The following SGK3 variants were observed in gnomAD, a reference collection of about 807,000 sequenced individuals.
SGK3 encodes serine/threonine-protein kinase Sgk3.
In SGK3, 47 loss-of-function variants were observed where a neutral mutation model predicts 68.5. The ratio of observed to expected loss-of-function variants is 0.69; its 90% CI spans 0.54 to 0.87. SGK3 has a LOEUF of 0.87. Among genes scored for constraint, SGK3 ranks in the 40% least tolerant of loss-of-function variants. The pLI is 0.00. For missense variants in SGK3, 479 were observed against 575.5 expected (o/e 0.83, Z 1.72); for synonymous variants, 181 against 189.1 (o/e 0.96, Z 0.35).
At chr8:66,767,912 T>C (rs773264476) in intron 1 of SGK3, 12 of 1,153,174 alleles carry the variant, frequency 1.0e-5, no homozygotes, top group Middle Eastern at 2.0e-4. Flanking sequence ...AAGGCTTTGA[T>C]TGAAGGTCCA....
chr8:66,758,008 C>CT, intron 1 of SGK3, among the ~76,000 whole-genome samples: 1 of 140,696 alleles, frequency 7.1e-6, no homozygotes, highest in Admixed American at 7.1e-5. Context: ...TACACACACA[C>CT]ACTACACACA....
intron 1 of SGK3, among the ~76,000 whole-genome samples, chr8:66,716,569 T>C (rs1234868077): frequency 2.3e-5 from 1 of 42,826 alleles, no homozygotes; most frequent in Admixed American, 3.0e-4. Context: ...GGCGGGGGGG[T>C]TGGGGGTGAC....
At chr8:66,799,807 A>G (rs1336122671) in intron 3 of SGK3, among the ~76,000 whole-genome samples, 3 of 152,092 alleles carry the variant, frequency 2.0e-5, no homozygotes, top group African/African-American at 7.2e-5. Context: ...TAGTTTTAGT[A>G]GAGACGGGGT....
chr8:66,798,397 C>T (rs193066881), intron 2 of SGK3, 145 bp from the exon 3 acceptor site: 36 of 562,076 alleles, frequency 6.4e-5, no homozygotes, highest in Admixed American at 6.3e-4. Flanking sequence ...ATATCAGTTT[C>T]GGAATATGAA....
At chr8:66,829,775 G>A (rs1809223337) in intron 7 of SGK3, among the ~76,000 whole-genome samples, 2 of 151,826 alleles carry the variant, frequency 1.3e-5, no homozygotes, top group Admixed American at 1.3e-4. Flanking sequence ...TCAAAGGAAA[G>A]CAAATAAATA....
At chr8:66,715,990 C>T (rs1020106533) in intron 1 of SGK3, among the ~76,000 whole-genome samples, 3 of 152,168 alleles carry the variant, frequency 2.0e-5, no homozygotes, top group African/African-American at 7.2e-5. Context: ...TCAGAAACCA[C>T]TTTACCTTTT....
intron 1 of SGK3, among the ~76,000 whole-genome samples, chr8:66,757,475 T>C (rs1806013582): frequency 6.6e-6 from 1 of 151,988 alleles, no homozygotes; most frequent in African/African-American, 2.4e-5. Context: ...TCAATGGTTG[T>C]ATGGGCCAGT....
In SGK3 at chr8:66,779,604, A is replaced by C. The variant is rs1266882013; in HGVS notation, c.-121-14012A>C. 2.2e-5 allele frequency among the ~76,000 whole-genome samples: 3 copies of C among 136,628 alleles called. No individual in the cohort carries two copies. In the East Asian group the frequency reaches 6.4e-4, roughly 29 times the overall value. 89.6% of individuals were successfully genotyped at this position (136,628 alleles called of 152,430 possible). On this transcript the variant is annotated intron_variant, in intron 1 of 16. Transcript: ENST00000521198. ...TATATATATATATATATATATATAA[A>C]ACACATTTTTTATATATATACGTTT...
intron 1 of SGK3, among the ~76,000 whole-genome samples, chr8:66,745,992 A>G (rs1468656760): frequency 6.6e-6 from 1 of 152,186 alleles, no homozygotes; most frequent in Non-Finnish European, 1.5e-5. Context: ...GGAGGGGACA[A>G]AACGTTCAAG....
At chr8:66,722,185 G>A (rs532578620) in intron 1 of SGK3, among the ~76,000 whole-genome samples, 3 of 152,288 alleles carry the variant, frequency 2.0e-5, no homozygotes, top group South Asian at 4.1e-4. Flanking sequence ...GCTCTGCGCC[G>A]AGACAATAGC....
At chr8:66,744,871 C>T (rs1432385933) in intron 1 of SGK3, among the ~76,000 whole-genome samples, 3 of 147,284 alleles carry the variant, frequency 2.0e-5, no homozygotes, top group Non-Finnish European at 4.5e-5. Flanking sequence ...CTTCAATTTT[C>T]TTAGTTTTTT....
intron 1 of SGK3, among the ~76,000 whole-genome samples, chr8:66,755,637 A>T (rs939613346): frequency 5.3e-5 from 8 of 152,180 alleles, no homozygotes; most frequent in African/African-American, 1.2e-4. Context: ...AACACCATAC[A>T]GCACTCCCGT....
chr8:66,859,704 A>T lies in SGK3; in HGVS notation c.*123A>T. On this transcript the variant is annotated 3_prime_UTR_variant, in exon 17 of 17. Coordinates refer to ENST00000521198, the MANE Select transcript of SGK3 (RefSeq NM_001033578.3). ...CTCATTTTTATATGTAATGATGAAA[A>T]CTATGAAAAAATGTATTTTCTTCTA... 8.7e-7 allele frequency: 1 copy of T among 1,154,316 alleles called. No homozygotes were observed. Among genetic ancestry groups the T allele is most frequent in the Non-Finnish European group, 1.1e-6 (1 of 881,932 alleles). 71.5% of individuals were successfully genotyped at this position (1,154,316 alleles called of 1,614,324 possible). A position where few individuals can be genotyped will look rare whatever the true frequency, so the allele number is the denominator to read the frequency against.
chr8:66,816,633 C>T (rs897012464), intron 5 of SGK3, among the ~76,000 whole-genome samples: 3 of 151,946 alleles, frequency 2.0e-5, no homozygotes, highest in South Asian at 2.1e-4. Context: ...CGTGAGCCAT[C>T]GCACCCGGCC....
At chr8:66,740,642 T>C (rs59469156) in intron 1 of SGK3, among the ~76,000 whole-genome samples, 20,083 of 152,134 alleles carry the variant, frequency 0.13, 2,510 homozygotes, top group African/African-American at 0.33. Context: ...CACAGTGGCT[T>C]ACACCTGTAA....
rs1327900154 is a variant in SGK3, at chr8:66,813,912, C to A, written c.313C>A (p.Pro105Thr). Residue 105 changes from proline to threonine, a missense_variant, in exon 5 of 17, where the codon CCA (proline) becomes ACA (threonine). Physicochemically the swap from Pro to Thr is conservative, Grantham distance 38. This residue lies in a region of SGK3 where 298 missense variants were observed against 329.4 expected (regional missense o/e 0.90). Coordinates refer to ENST00000521198, the MANE Select transcript of SGK3 (RefSeq NM_001033578.3). ...ATTCATTCAGAACCTAGTTAGGTATCCAGAACTTTATAACCAGTAAGTAAT... is the reference window on the plus strand; with the variant it reads ...ATTCATTCAGAACCTAGTTAGGTATACAGAACTTTATAACCAGTAAGTAAT... Reference protein sequence around the residue: ...NEFIQNLVRYPELYNHPDVRA... With the variant: ...NEFIQNLVRYTELYNHPDVRA... 4 of 1,591,406 alleles carry A rather than the reference C, an allele frequency of 2.5e-6. No homozygotes were observed. In the Admixed American group the frequency reaches 7.1e-5, roughly 28 times the overall value.
At chr8:66,767,425 G>A (rs1431198103) in intron 1 of SGK3, 2 of 1,341,586 alleles carry the variant, frequency 1.5e-6, no homozygotes, top group African/African-American at 1.4e-5. Flanking sequence ...GCAAACAGGT[G>A]GCAATTCAAC....
chr8:66,727,649 C>T (rs1370002250), intron 1 of SGK3, among the ~76,000 whole-genome samples: 2 of 152,134 alleles, frequency 1.3e-5, no homozygotes, highest in African/African-American at 2.4e-5. Context: ...TGCTTTCTGC[C>T]GTATGAGGAC....
intron 5 of SGK3, among the ~76,000 whole-genome samples, chr8:66,821,718 G>A (rs1808836822): frequency 6.7e-6 from 1 of 148,816 alleles, no homozygotes; most frequent in Admixed American, 6.7e-5. Flanking sequence ...CTGGAGACGG[G>A]GTTTCACCAT....
Sources: gnomAD v4.1 joint callset for allele counts (sites outside exome capture counted in the v4.1 genomes callset) on GRCh38, gnomAD v4.1.1 for gene constraint, gnomAD v4.1.1 regional missense constraint, MANE v1.5 for transcripts, NCBI Gene and HGNC (gene_info 2026-07-23, HGNC 2026-07-21) for gene names.